FGF6: variants seen among roughly 807,000 people sequenced by gnomAD.
FGF6 encodes FGF-6.
FGF6 carries 14 observed loss-of-function variants against 18.4 expected under a neutral mutation model. The ratio of observed to expected loss-of-function variants is 0.76; its 90% confidence interval spans 0.50 to 1.19. The LOEUF (loss-of-function observed/expected upper bound fraction) is 1.19. Ranked by LOEUF, FGF6 falls within the 50% of genes most tolerant of loss-of-function variation. The pLI is 0.00. For synonymous variants in FGF6, 125 were observed against 116.7 expected (o/e 1.07, Z -0.46); for missense variants, 266 against 271.6 (o/e 0.98, Z 0.15).
At chr12:4,439,325 C>T (rs1018615047) in intron 2 of FGF6, among the ~76,000 whole-genome samples, 7 of 152,138 alleles carry the variant, frequency 4.6e-5, no homozygotes, top group African/African-American at 1.7e-4. Flanking sequence ...AGTAACCCGC[C>T]CAGTCAGTTC....
intron 2 of FGF6, among the ~76,000 whole-genome samples, chr12:4,434,823 T>C (rs1865609866): frequency 6.6e-6 from 1 of 152,196 alleles, no homozygotes; most frequent in South Asian, 2.1e-4. Flanking sequence ...GGAGCAGGGA[T>C]GAGAGCTCAG....
Position 4,439,786 on chromosome 12 carries a change from A to G in FGF6, c.450+4347T>C, listed in dbSNP as rs146680394. 4.4e-3 allele frequency among the ~76,000 whole-genome samples: 672 copies of G among 152,260 alleles called. 4 individuals carry two copies. The highest frequency in any genetic ancestry group is 8.4e-3 in the Admixed American group (129 of 15,294). On this transcript the variant is annotated intron_variant, in intron 2 of 2. Coordinates refer to ENST00000228837, the MANE Select transcript of FGF6 (RefSeq NM_020996.3). ...GAATCCTGTACAAAACTAAAGTGAA[A>G]AAAGACAACTAGTAGAGGAAGCTTG...
rs188614689 is a variant in FGF6, at chr12:4,438,934, T to C, written c.451-4543A>G. Among the ~76,000 whole-genome samples the C allele has an allele frequency of 1.2e-3, 177 of 152,210 alleles. 1 individual carries two copies. The highest frequency in any genetic ancestry group is 4.0e-3 in the African/African-American group (168 of 41,524). On this transcript the variant is annotated intron_variant, in intron 2 of 2. Coordinates refer to ENST00000228837, the MANE Select transcript of FGF6 (RefSeq NM_020996.3). The stretch of plus-strand genomic sequence containing the variant: ...GAAAAAGTGTTGGCATAGTACGCTC[T>C]TGTTTGTGTGATTTTTTAAAAAAGA...
intron 2 of FGF6, among the ~76,000 whole-genome samples, chr12:4,434,957 G>T (rs1286793421): frequency 6.6e-6 from 1 of 152,038 alleles, no homozygotes; most frequent in Non-Finnish European, 1.5e-5. Context: ...GAGGCGGTTG[G>T]TGGAGGGGGA....
At chr12:4,439,143 A>G (rs987154070) in intron 2 of FGF6, among the ~76,000 whole-genome samples, 1 of 152,146 alleles carries the variant, frequency 6.6e-6, no homozygotes, top group African/African-American at 2.4e-5. Context: ...TGTGTTACCT[A>G]GTCAAGTACG....
In FGF6 at chr12:4,445,238, C is replaced by A; in HGVS notation, c.333G>T (p.Glu111Asp). Residue 111 changes from glutamate (E) to aspartate (D), a missense_variant, in exon 1 of 3, where the codon GAG (glutamate) becomes GAT (aspartate). Transcript: ENST00000228837. This position sits in a 1 kb window ranked among gnomAD's most constrained non-coding sequence, Gnocchi z 5.5. Reference protein sequence around the residue: ...LPDGRISGTHEENPYSLLEIS... With the variant: ...LPDGRISGTHDENPYSLLEIS... ...GCTGGCACTCACTGTAGGGGTTCTC[C>A]TCGTGGGTCCCGCTGATCCGGCCGT... 1 of 1,610,420 alleles carries A rather than the reference C, an allele frequency of 6.2e-7. No individual in the cohort carries two copies. Among genetic ancestry groups the A allele is most frequent in the Non-Finnish European group, 8.5e-7 (1 of 1,178,634 alleles).
intron 2 of FGF6, among the ~76,000 whole-genome samples, chr12:4,443,311 T>C (rs978704731): frequency 6.6e-6 from 1 of 152,210 alleles, no homozygotes; most frequent in African/African-American, 2.4e-5. Flanking sequence ...CTTTGATATT[T>C]TTTGAGGCCT....
At chr12:4,443,589 G>C (rs897479870) in intron 2 of FGF6, among the ~76,000 whole-genome samples, 6 of 152,218 alleles carry the variant, frequency 3.9e-5, no homozygotes, top group Admixed American at 3.9e-4. Context: ...CCAGCCTAAA[G>C]TGTATAACGG....
chr12:4,444,521 T>C (rs1865733641), intron 1 of FGF6, among the ~76,000 whole-genome samples: 1 of 152,214 alleles, frequency 6.6e-6, no homozygotes. Context: ...GAATCTGGGC[T>C]TTCAGTGACA....
At chr12:4,443,465 G>A (rs1457503254) in intron 2 of FGF6, among the ~76,000 whole-genome samples, 1 of 152,230 alleles carries the variant, frequency 6.6e-6, no homozygotes, top group Admixed American at 6.5e-5. Flanking sequence ...AGGTCAGTGA[G>A]AGCAGAGGTT....
rs1332009777 is a variant in FGF6 at position 4,434,378 on chromosome 12, T to G, written c.464A>C (p.Glu155Ala). The change falls in exon 3 of 3, where the codon GAA (glutamate) becomes GCA (alanine). Residue 155 changes from glutamate (E) to alanine (A), a missense_variant. Transcript: ENST00000228837. ...GAGGGTTTCTCTGAACTTGCATTCTTCTTGGAAGCTGGGCTGTGGAAGACA... is the reference window on the plus strand; with the variant it reads ...GAGGGTTTCTCTGAACTTGCATTCTGCTTGGAAGCTGGGCTGTGGAAGACA... The part of the protein sequence containing the change: ...GRLYATPSFQ[E>A]ECKFRETLLP... 8 of 1,614,148 alleles carry G rather than the reference T, an allele frequency of 5.0e-6. No individual in the cohort carries two copies. The highest frequency in any genetic ancestry group is 6.8e-6 in the Non-Finnish European group (8 of 1,180,032).
At chr12:4,442,496 C>T (rs984931218) in intron 2 of FGF6, among the ~76,000 whole-genome samples, 8 of 152,140 alleles carry the variant, frequency 5.3e-5, no homozygotes, top group African/African-American at 1.2e-4. Context: ...TTGATAAAGG[C>T]GACAAGGAGA....
chr12:4,445,387 G>A lies in FGF6; in HGVS notation c.184C>T (p.Arg62Cys). The change falls in exon 1 of 3, where the codon CGC (arginine) becomes TGC (cysteine). Residue 62 changes from arginine (R) to cysteine (C), a missense_variant. Physicochemically the swap from Arg to Cys is radical, Grantham distance 180. Transcript: ENST00000228837. The surrounding 1 kb of genome is among the most constrained non-coding windows in gnomAD (Gnocchi z 5.5). ...RGWGTLLSRS[R>C]AGLAGEIAGV... ...GCAATCTCTCCAGCTAGCCCGGCGC[G>A]AGACCTGGACAGCAGGGTGCCCCAG... is the stretch of plus-strand genomic sequence containing the variant. The A allele has an allele frequency of 1.2e-6, 2 of 1,613,712 alleles. No homozygotes were observed. The highest frequency in any genetic ancestry group is 1.7e-6 in the Non-Finnish European group (2 of 1,180,016).
chr12:4,444,471 G>T (rs1296324223), intron 1 of FGF6, among the ~76,000 whole-genome samples: 1 of 152,208 alleles, frequency 6.6e-6, no homozygotes, highest in African/African-American at 2.4e-5. Flanking sequence ...AGAGTTAGGG[G>T]CTGCAGTGAC....
intron 2 of FGF6, among the ~76,000 whole-genome samples, chr12:4,437,981 TAAAAG>T (rs1272668130): frequency 6.6e-6 from 1 of 151,752 alleles, no homozygotes; most frequent in East Asian, 1.9e-4. Flanking sequence ...AATATTACCT[TAAAAG>T]AAGAACAGAA....
intron 2 of FGF6, 75 bp downstream of exon 2, chr12:4,444,058 C>T (rs2970827): frequency 0.13 from 126,523 of 947,448 alleles, 12,925 homozygotes; most frequent in East Asian, 0.36. Context: ...CTACTCAGGA[C>T]TTCATATTAT....
At chr12:4,444,973 G>A (rs752619362) in intron 1 of FGF6, among the ~76,000 whole-genome samples, 2 of 152,160 alleles carry the variant, frequency 1.3e-5, no homozygotes, top group Non-Finnish European at 2.9e-5. Context: ...GGCATCAGAT[G>A]GGCCAGTAAT....
chr12:4,439,408 G>A (rs1196785659), intron 2 of FGF6, among the ~76,000 whole-genome samples: 1 of 152,150 alleles, frequency 6.6e-6, no homozygotes, highest in Non-Finnish European at 1.5e-5. Context: ...CTCTAGTGAG[G>A]AAATGAAATC....
intron 2 of FGF6, among the ~76,000 whole-genome samples, chr12:4,437,870 A>T (rs1234175203): frequency 6.6e-6 from 1 of 152,108 alleles, no homozygotes; most frequent in Non-Finnish European, 1.5e-5. Context: ...AATCCAGAAA[A>T]AGTTTTTTTT....
Sources: allele counts gnomAD v4.1 joint callset (sites outside exome capture counted in the v4.1 genomes callset), GRCh38; gene constraint gnomAD v4.1.1; non-coding constraint Gnocchi (gnomAD v3.1); transcripts MANE v1.5; gene names NCBI Gene and HGNC (gene_info 2026-07-23, HGNC 2026-07-21).